SNX12: variants seen among roughly 807,000 people sequenced by gnomAD.
SNX12 encodes sorting nexin 12.
For synonymous variants in SNX12, 47 were observed against 56.0 expected, an observed-to-expected ratio of 0.84 and a Z score of 0.71; for missense variants, 62 against 141.3, an observed-to-expected ratio of 0.44 and a Z score of 2.84.
At chrX:71,070,309 A>G (rs2092168605), upstream of SNX12, among the ~76,000 whole-genome samples, 1 of 111,905 alleles carries the variant, frequency 8.9e-6, no homozygotes, top group Non-Finnish European at 1.9e-5. Context: ...GGTATTGACA[A>G]TAAGACTCCG....
chrX:71,065,402 C>CTCACACCT (rs1401317017), intron 1 of SNX12, among the ~76,000 whole-genome samples: 1 of 102,459 alleles, frequency 9.8e-6, no homozygotes, highest in Non-Finnish European at 2.0e-5. Context: ...GGCGTGGTGG[C>CTCACACCT]TCACACCTGT....
chrX:71,065,979 G>GA (rs746820864), intron 1 of SNX12, among the ~76,000 whole-genome samples: 20,360 of 99,464 alleles, frequency 0.2, 1,753 homozygotes, highest in African/African-American at 0.26. Context: ...ACTCTGTCTC[G>GA]AAAAAAAAAA....
chrX:71,059,944 C>A lies in SNX12; in HGVS notation c.*1072G>T, dbSNP rs1169761289. 2 of 112,060 alleles carry A rather than the reference C, an allele frequency of 1.8e-5. No homozygotes were observed. Among genetic ancestry groups the A allele is most frequent in the Non-Finnish European group, 3.8e-5 (2 of 53,274 alleles). 9.2% of individuals were successfully genotyped at this position (112,060 alleles called of 1,213,427 possible). On this transcript the variant is annotated 3_prime_UTR_variant, in exon 4 of 4. Transcript: ENST00000374274. The stretch of plus-strand genomic sequence containing the variant: ...TGCAGGCAGTTCAATAACCCTGTGA[C>A]CACGCTGGGGAGGGCAGCAAAAACT...
At chrX:71,062,824 A>G (rs1387122449) in intron 2 of SNX12, 30 bp downstream of exon 2, 7 of 1,068,638 alleles carry the variant, frequency 6.6e-6, no homozygotes. Context: ...CTCCTCCTCC[A>G]AAGATGCCAC....
At chrX:71,062,812 A>C in intron 2 of SNX12, 42 bp downstream of exon 2, 1 of 944,995 alleles carries the variant, frequency 1.1e-6, no homozygotes, top group Non-Finnish European at 1.5e-6. Flanking sequence ...GCCTATGCAG[A>C]GCTCCTCCTC....
chrX:71,062,586 T>C (rs2147694991), intron 2 of SNX12, among the ~76,000 whole-genome samples: 1 of 110,726 alleles, frequency 9.0e-6, no homozygotes, highest in South Asian at 3.9e-4. Flanking sequence ...TTGGCCAGGC[T>C]GGTCTTGAAC....
chrX:71,070,908 C>G (rs967420986), upstream of SNX12, among the ~76,000 whole-genome samples: 4 of 111,032 alleles, frequency 3.6e-5, no homozygotes, highest in African/African-American at 1.3e-4. Context: ...TTTTCATTAA[C>G]TGTGTTTAAG....
At chrX:71,070,068 T>G (rs1293257396), upstream of SNX12, among the ~76,000 whole-genome samples, 1 of 111,735 alleles carries the variant, frequency 8.9e-6, no homozygotes, top group African/African-American at 3.3e-5. Context: ...ATTCAGACTG[T>G]GTGATGGAAG....
At chrX:71,072,262 A>G (rs926682682), upstream of SNX12, among the ~76,000 whole-genome samples, 12 of 97,878 alleles carry the variant, frequency 1.2e-4, no homozygotes, top group South Asian at 4.6e-4. Flanking sequence ...CATCTTGGGG[A>G]AAAAAAAAAA....
At chrX:71,072,912 C>T (rs193225761), upstream of SNX12, among the ~76,000 whole-genome samples, 1 of 106,044 alleles carries the variant, frequency 9.4e-6, no homozygotes, top group Non-Finnish European at 1.9e-5. Context: ...TCCATACACA[C>T]ACACACACAC....
intron 1 of SNX12, among the ~76,000 whole-genome samples, chrX:71,064,443 A>G (rs1370330499): frequency 8.9e-6 from 1 of 112,826 alleles, no homozygotes; most frequent in Non-Finnish European, 1.9e-5. Flanking sequence ...AGAAACTATG[A>G]CTACTTCTGC....
rs1027414367 is a variant in SNX12 at position 71,060,307 on chromosome X, T to C, written c.*709A>G. On this transcript the variant is annotated 3_prime_UTR_variant, in exon 4 of 4. Transcript: ENST00000374274. ...GATGAGCAAAAATAGGCAGCTAGAG[T>C]GGGAGCCACAAAGGGAGAGGGGCTA... is the stretch of plus-strand genomic sequence containing the variant. The C allele has an allele frequency of 3.6e-5, 4 of 110,406 alleles. No homozygotes were observed. Among genetic ancestry groups the C allele is most frequent in the African/African-American group, 9.9e-5 (3 of 30,249 alleles). The allele number at this position is 110,406 out of a possible 1,213,427, so 9.1% of individuals were successfully genotyped here.
intron 1 of SNX12, among the ~76,000 whole-genome samples, chrX:71,066,286 G>A (rs1393810603): frequency 8.9e-6 from 1 of 111,785 alleles, no homozygotes; most frequent in Non-Finnish European, 1.9e-5. Flanking sequence ...AGTCCCTGTT[G>A]CTATTAGAAT....
intron 1 of SNX12, among the ~76,000 whole-genome samples, chrX:71,064,331 CCT>C (rs1454599696): frequency 2.7e-5 from 3 of 112,016 alleles, no homozygotes; most frequent in Non-Finnish European, 5.6e-5. Flanking sequence ...TGGTTTTCCT[CCT>C]CTCTGAACTC....
upstream of SNX12, among the ~76,000 whole-genome samples, chrX:71,073,035 T>TAC (rs56242437): frequency 0.082 from 7,346 of 89,897 alleles, 435 homozygotes; most frequent in Admixed American, 0.23. Context: ...TTATCACACA[T>TAC]ACACACACAC....
intron 1 of SNX12, among the ~76,000 whole-genome samples, chrX:71,066,862 T>C (rs1467266684): frequency 9.0e-6 from 1 of 111,658 alleles, no homozygotes; most frequent in East Asian, 2.8e-4. Flanking sequence ...TTTCTCATGT[T>C]TTGCTATTCA....
upstream of SNX12, among the ~76,000 whole-genome samples, chrX:71,069,340 A>C (rs752279264): frequency 8.9e-6 from 1 of 112,068 alleles, no homozygotes; most frequent in Admixed American, 9.5e-5. Context: ...TGTTTAATTC[A>C]ATTTAACCAA....
intron 1 of SNX12, 42 bp downstream of exon 1, chrX:71,068,100 G>A (rs1456373902): frequency 2.9e-6 from 2 of 687,235 alleles, no homozygotes; most frequent in South Asian, 4.6e-5. Flanking sequence ...CGCTCGCGCC[G>A]CCCGGTCCTC....
intron 1 of SNX12, 69 bp from the exon 2 acceptor site, chrX:71,063,018 A>T: frequency 1.5e-6 from 1 of 667,744 alleles, no homozygotes; most frequent in Non-Finnish European, 2.4e-6. Flanking sequence ...CTGTCTGAGT[A>T]ACTTGGACAG....
Sources: allele counts gnomAD v4.1 joint callset (sites outside exome capture counted in the v4.1 genomes callset), GRCh38; gene constraint gnomAD v4.1.1; transcripts MANE v1.5; gene names NCBI Gene and HGNC (gene_info 2026-07-23, HGNC 2026-07-21).